The following CLNK variants were observed in gnomAD, a reference collection of about 807,000 sequenced individuals.
CLNK encodes the protein cytokine-dependent hematopoietic cell linker.
CLNK carries 74 observed loss-of-function variants against 68.6 expected under a neutral mutation model. That is an observed-to-expected ratio of 1.08 (90% CI 0.89 to 1.31). CLNK has a LOEUF of 1.31. Ranked by LOEUF, CLNK falls within the 50% of genes most tolerant of loss-of-function variation. The probability of loss-of-function intolerance (pLI) is 0.00; values close to 1 mark genes in which losing one functional copy is unlikely to be tolerated. For missense variants in CLNK, 553 were observed against 515.3 expected, an observed-to-expected ratio of 1.07 and a Z score of -0.71; for synonymous variants, 198 against 172.2, an observed-to-expected ratio of 1.15 and a Z score of -1.17.
At chr4:10,566,833 A>G (rs1362512189) in intron 5 of CLNK, among the ~76,000 whole-genome samples, 1 of 152,168 alleles carries the variant, frequency 6.6e-6, no homozygotes, top group Non-Finnish European at 1.5e-5. Context: ...AAATGTTTTA[A>G]AAAAGAAAAC....
intron 2 of CLNK, among the ~76,000 whole-genome samples, chr4:10,637,387 C>G (rs923266919): frequency 6.7e-6 from 1 of 148,340 alleles, no homozygotes; most frequent in African/African-American, 2.5e-5. Flanking sequence ...TCACAAAAAG[C>G]TTTGTGAGAA....
the CLNK span, among the ~76,000 whole-genome samples, chr4:10,713,695 C>A: frequency 6.6e-6 from 1 of 152,072 alleles, no homozygotes; most frequent in Non-Finnish European, 1.5e-5. Flanking sequence ...GCCTTCCCTG[C>A]AATAATGAGT....
intron 15 of CLNK, among the ~76,000 whole-genome samples, chr4:10,519,653 C>G (rs1240535682): frequency 6.6e-6 from 1 of 152,168 alleles, no homozygotes; most frequent in Non-Finnish European, 1.5e-5. Context: ...TTTCCAGCCT[C>G]AGGCCCAGAT....
chr4:10,508,684 C>G (rs1431194023), intron 16 of CLNK, among the ~76,000 whole-genome samples: 1 of 152,188 alleles, frequency 6.6e-6, no homozygotes, highest in Non-Finnish European at 1.5e-5. Flanking sequence ...AATAACCCCC[C>G]TTGTGAGTCC....
intron 17 of CLNK, among the ~76,000 whole-genome samples, 200 bp downstream of exon 17, chr4:10,507,759 G>A (rs914171148): frequency 4.6e-5 from 7 of 152,116 alleles, no homozygotes; most frequent in African/African-American, 1.7e-4. Flanking sequence ...TAGGATTACA[G>A]GTGTGAGCCA....
intron 2 of CLNK, among the ~76,000 whole-genome samples, chr4:10,602,456 G>A (rs1721621542): frequency 1.3e-5 from 2 of 152,160 alleles, no homozygotes; most frequent in Admixed American, 6.5e-5. Flanking sequence ...CTTCTATGAG[G>A]AGGCTGTGGA....
chr4:10,601,619 A>C (rs541490136), intron 2 of CLNK, among the ~76,000 whole-genome samples: 1 of 152,306 alleles, frequency 6.6e-6, no homozygotes, highest in Non-Finnish European at 1.5e-5. Flanking sequence ...TTTGTTTTGC[A>C]TTGAATTGAG....
intron 2 of CLNK, among the ~76,000 whole-genome samples, chr4:10,638,603 T>C (rs1253624264): frequency 6.6e-6 from 1 of 152,242 alleles, no homozygotes; most frequent in Non-Finnish European, 1.5e-5. Flanking sequence ...TTGTGGTTGT[T>C]ATTGACACTG....
At chr4:10,563,500 G>C (rs997851488) in intron 7 of CLNK, among the ~76,000 whole-genome samples, 2 of 152,192 alleles carry the variant, frequency 1.3e-5, no homozygotes, top group Non-Finnish European at 2.9e-5. Flanking sequence ...ACTTATGAAT[G>C]CTTGTTTATC....
At chr4:10,678,905 G>A (rs1724977913) in intron 1 of CLNK, among the ~76,000 whole-genome samples, 1 of 152,162 alleles carries the variant, frequency 6.6e-6, no homozygotes, top group African/African-American at 2.4e-5. Context: ...TCATGGGTAG[G>A]AGGAATCAAT....
At chr4:10,611,475 C>A (rs1722017752) in intron 2 of CLNK, among the ~76,000 whole-genome samples, 1 of 141,498 alleles carries the variant, frequency 7.1e-6, no homozygotes, top group East Asian at 2.1e-4. Context: ...TCCAGCCTGG[C>A]CACAGAGGGA....
intron 17 of CLNK, 40 bp from the exon 18 acceptor site, chr4:10,501,451 C>T (rs1385701355): frequency 1.3e-6 from 2 of 1,587,490 alleles, no homozygotes; most frequent in Non-Finnish European, 1.7e-6. Context: ...TCAGACACGC[C>T]AGCATTCTGC....
At chr4:10,631,068 T>C (rs1433697404) in intron 2 of CLNK, among the ~76,000 whole-genome samples, 2 of 152,128 alleles carry the variant, frequency 1.3e-5, no homozygotes, top group South Asian at 2.1e-4. Flanking sequence ...AATCAGCATT[T>C]CTGGATCCAC....
At chr4:10,734,525 C>A in the CLNK span, among the ~76,000 whole-genome samples, 1 of 152,172 alleles carries the variant, frequency 6.6e-6, no homozygotes, top group Non-Finnish European at 1.5e-5. Flanking sequence ...TGAACAGACT[C>A]ACCATTGAAG....
intron 1 of CLNK, among the ~76,000 whole-genome samples, chr4:10,682,592 C>A (rs1012465370): frequency 6.6e-6 from 1 of 152,196 alleles, no homozygotes; most frequent in Non-Finnish European, 1.5e-5. Flanking sequence ...ACAACTCCAA[C>A]AACAGCTAAC....
chr4:10,533,163 C>T (rs1718620775), intron 11 of CLNK, among the ~76,000 whole-genome samples: 1 of 152,156 alleles, frequency 6.6e-6, no homozygotes, highest in Admixed American at 6.5e-5. Context: ...GAGGCTGAGG[C>T]AGGAGAGTAG....
chr4:10,645,225 G>A (rs1036414265), intron 2 of CLNK, among the ~76,000 whole-genome samples: 8 of 152,108 alleles, frequency 5.3e-5, no homozygotes, highest in Non-Finnish European at 1.0e-4. Flanking sequence ...CTTGAGCTTC[G>A]CTGCCTCTAG....
At chr4:10,693,340 T>C in the CLNK span, among the ~76,000 whole-genome samples, 2 of 152,220 alleles carry the variant, frequency 1.3e-5, no homozygotes, top group African/African-American at 4.8e-5. Flanking sequence ...ATGAAATCAC[T>C]GGGGTAGTCC....
chr4:10,616,863 T>G (rs1722256902), intron 2 of CLNK, among the ~76,000 whole-genome samples: 1 of 149,792 alleles, frequency 6.7e-6, no homozygotes, highest in Non-Finnish European at 1.5e-5. Flanking sequence ...CAACATTTAC[T>G]AAAATTTGCC....
Sources: allele counts gnomAD v4.1 joint callset (sites outside exome capture counted in the v4.1 genomes callset), GRCh38; gene constraint gnomAD v4.1.1; transcripts MANE v1.5; gene names NCBI Gene and HGNC (gene_info 2026-07-23, HGNC 2026-07-21).